Variants in LAD1 observed in about 807,000 individuals in gnomAD.
The protein encoded by LAD1 is ladinin 1.
In LAD1, 53 loss-of-function variants were observed where a neutral mutation model predicts 54.2. The ratio of observed to expected loss-of-function variants is 0.98; its 90% confidence interval spans 0.78 to 1.23. The LOEUF (loss-of-function observed/expected upper bound fraction) is 1.23. Ranked by LOEUF, LAD1 falls within the 50% of genes most tolerant of loss-of-function variation. The probability of loss-of-function intolerance (pLI) is 0.00; values close to 1 mark genes in which losing one functional copy is unlikely to be tolerated. For missense variants in LAD1, 637 were observed against 653.3 expected, an observed-to-expected ratio of 0.98 and a Z score of 0.27; for synonymous variants, 231 against 257.7, an observed-to-expected ratio of 0.90 and a Z score of 0.99.
In LAD1 at chr1:201,381,775, C is replaced by G. The variant is rs2102353790; in HGVS notation, c.*113G>C. The stretch of plus-strand genomic sequence containing the variant: ...GACCCTGGCCAAACAGATCCACAGG[C>G]AAAAAGGGAACAGGGACAATGAGAG... On this transcript the variant is annotated 3_prime_UTR_variant, in exon 10 of 10. Transcript: ENST00000391967. The G allele has an allele frequency of 3.2e-6, 4 of 1,233,028 alleles. No homozygotes were observed. The highest frequency in any genetic ancestry group is 3.6e-6 in the Non-Finnish European group (3 of 833,274). The allele number at this position is 1,233,028 out of a possible 1,614,324, so 76.4% of individuals were successfully genotyped here. A position where few individuals can be genotyped will look rare whatever the true frequency, so the allele number is the denominator to read the frequency against.
intron 1 of LAD1, chr1:201,390,969 T>A: frequency 2.7e-6 from 1 of 371,160 alleles, no homozygotes; most frequent in South Asian, 2.0e-5. Flanking sequence ...GTCCTGGGAT[T>A]CTTAGGTAAT....
In LAD1 at chr1:201,382,270, G is replaced by A. The variant is rs1410153616; in HGVS notation, c.1530C>T (p.Asp510=). ...TERTQWGQKS[D]SSLDAEV The stretch of plus-strand genomic sequence containing the variant: ...CATTCACCTCAGCGTCCAGCGAGGA[G>A]TCAGATTTCTGTCCCCACTGAGTCC... The change falls in exon 9 of 10, where the codon GAC becomes GAT. Residue 510 remains aspartate (D), a synonymous_variant. Coordinates refer to ENST00000391967, the MANE Select transcript of LAD1 (RefSeq NM_005558.4). 1 of 1,613,684 alleles carries A rather than the reference G, an allele frequency of 6.2e-7. No homozygotes were observed. The highest frequency in any genetic ancestry group is 8.5e-7 in the Non-Finnish European group (1 of 1,179,798).
chr1:201,385,952 T>C, intron 3 of LAD1, 147 bp from the exon 4 acceptor site: 1 of 668,106 alleles, frequency 1.5e-6, no homozygotes, highest in Non-Finnish European at 2.7e-6. Context: ...CTTCATCTGC[T>C]GTGGGAGTGG....
rs1261370091 is a variant in LAD1 at position 201,393,859 on chromosome 1, T to TC, written c.39-4557_39-4556insG. ...ACAGATCTTAAGTTTTGCTTTTTTT[T>TC]TTTTTTTTTTTGATGAGCAAACAAA... is the stretch of plus-strand genomic sequence containing the variant. On this transcript the variant is annotated intron_variant, in intron 1 of 9. Coordinates refer to ENST00000391967, the MANE Select transcript of LAD1 (RefSeq NM_005558.4). Among the ~76,000 whole-genome samples the TC allele has an allele frequency of 3.1e-4, 47 of 149,536 alleles. 1 individual carries two copies. Among genetic ancestry groups the TC allele is most frequent in the African/African-American group, 1.1e-3 (43 of 40,742 alleles).
chr1:201,393,590 A>G (rs1177182843), intron 1 of LAD1, among the ~76,000 whole-genome samples: 1 of 152,022 alleles, frequency 6.6e-6, no homozygotes, highest in Non-Finnish European at 1.5e-5. Context: ...TCCTAAAAAT[A>G]CAAAAATTAG....
At position 201,382,430 on chromosome 1, in the gene LAD1, C is replaced by T. The variant is rs114518974; in HGVS notation, c.1474-104G>A. On this transcript the variant is annotated intron_variant, in intron 8 of 9. Coordinates refer to ENST00000391967, the MANE Select transcript of LAD1 (RefSeq NM_005558.4). The stretch of plus-strand genomic sequence containing the variant: ...CAGCCCAGGATGTCCTTTCTCTTCC[C>T]AAAAGAGAAAAGGAACCCAGACCCA... The T allele has an allele frequency of 3.2e-3, 3,267 of 1,011,734 alleles. 77 individuals are homozygous for T. In the African/African-American group the frequency reaches 0.044, roughly 14 times the overall value. 62.7% of individuals were successfully genotyped at this position (1,011,734 alleles called of 1,614,324 possible).
At chr1:201,396,210 C>T (rs752763650) in intron 1 of LAD1, among the ~76,000 whole-genome samples, 2 of 152,160 alleles carry the variant, frequency 1.3e-5, no homozygotes, top group African/African-American at 2.4e-5. Flanking sequence ...CCTACCACTC[C>T]TTCCCTCTAG....
At chr1:201,396,910 T>C (rs1483001657) in intron 1 of LAD1, among the ~76,000 whole-genome samples, 1 of 152,112 alleles carries the variant, frequency 6.6e-6, no homozygotes, top group East Asian at 1.9e-4. Flanking sequence ...GATTAACCAC[T>C]GGCTGTTCAG....
intron 7 of LAD1, 73 bp from the exon 8 acceptor site, chr1:201,382,812 T>C: frequency 8.2e-7 from 1 of 1,214,816 alleles, no homozygotes; most frequent in Non-Finnish European, 1.2e-6. Context: ...GGCCCTGGAA[T>C]GGGATAGGAC....
intron 2 of LAD1, 102 bp from the exon 3 acceptor site, chr1:201,387,280 T>G (rs1571721452): frequency 3.0e-6 from 4 of 1,312,514 alleles, no homozygotes; most frequent in Non-Finnish European, 3.9e-6. Flanking sequence ...AAGGAGGAGG[T>G]GAGGATGTCA....
intron 1 of LAD1, chr1:201,391,023 CCCA>C: frequency 2.2e-6 from 1 of 447,142 alleles, no homozygotes; most frequent in Non-Finnish European, 4.5e-6. Context: ...CACTCAATTC[CCCA>C]TGGAATTTCT....
chr1:201,386,194 G>C, intron 3 of LAD1, 141 bp downstream of exon 3: 1 of 853,928 alleles, frequency 1.2e-6, no homozygotes, highest in Non-Finnish European at 1.7e-6. Flanking sequence ...AAGCAGGCAG[G>C]GAAAGAAGAG....
intron 1 of LAD1, among the ~76,000 whole-genome samples, 191 bp downstream of exon 1, chr1:201,399,078 G>T (rs1233622159): frequency 2.6e-5 from 4 of 152,214 alleles, no homozygotes; most frequent in Non-Finnish European, 5.9e-5. Flanking sequence ...GCCCCGAGGG[G>T]AGAAGACCCA....
At chr1:201,399,179 CAGGCGGGGAGG>C in intron 1 of LAD1, 79 bp downstream of exon 1, 1 of 1,092,994 alleles carries the variant, frequency 9.1e-7, no homozygotes. Context: ...GTCAGGGTCC[CAGGCGGGGAGG>C]AGGCCGGTGC....
At chr1:201,393,314 G>T (rs965746375) in intron 1 of LAD1, among the ~76,000 whole-genome samples, 3 of 152,198 alleles carry the variant, frequency 2.0e-5, no homozygotes, top group African/African-American at 7.2e-5. Flanking sequence ...AGACAGAATT[G>T]TGAGCACAGA....
At chr1:201,396,167 C>G (rs1185845203) in intron 1 of LAD1, among the ~76,000 whole-genome samples, 1 of 152,168 alleles carries the variant, frequency 6.6e-6, no homozygotes, top group East Asian at 1.9e-4. Context: ...CTCAGCTGCT[C>G]CTACTAGCTG....
intron 5 of LAD1, among the ~76,000 whole-genome samples, chr1:201,384,094 G>A (rs1296244152): frequency 6.6e-6 from 1 of 152,188 alleles, no homozygotes; most frequent in African/African-American, 2.4e-5. Flanking sequence ...TGGTTGGCCA[G>A]TATGTAATGT....
chr1:201,382,747 G>T lies in LAD1; in HGVS notation c.1387-8C>A. The T allele has an allele frequency of 6.3e-7, 1 of 1,586,786 alleles. No individual in the cohort carries two copies. Among genetic ancestry groups the T allele is most frequent in the African/African-American group, 1.3e-5 (1 of 74,608 alleles). ...TGAGAGCCTCAAGTTCTCCTAAAAAGAGAACTTTCCATCTCAGGGTTTAGG... is the reference window on the plus strand; with the variant it reads ...TGAGAGCCTCAAGTTCTCCTAAAAATAGAACTTTCCATCTCAGGGTTTAGG... On this transcript the variant is annotated splice_polypyrimidine_tract_variant and splice_region_variant and intron_variant, in intron 7 of 9. Transcript: ENST00000391967.
Position 201,389,203 on chromosome 1 carries a change from T to C in LAD1, c.139A>G (p.Arg47Gly), listed in dbSNP as rs765967398. 8.1e-6 allele frequency: 13 copies of C among 1,614,106 alleles called. No homozygotes were observed. The African/African-American group carries it at 1.5e-4, about 18-fold the overall frequency. Residue 47 changes from arginine to glycine, a missense_variant, in exon 2 of 10, where the codon AGG becomes GGG. Coordinates refer to ENST00000391967, the MANE Select transcript of LAD1 (RefSeq NM_005558.4). ...TGCCGGTCTCCATTCTGGCTGAGCC[T>C]GGGAGCCTCATCGTCCGTGGTGGAG... ...LSSTTDDEAPRLSQNGDRQAS... is the reference protein window; with the variant it reads ...LSSTTDDEAPGLSQNGDRQAS...
Sources: gnomAD v4.1 joint callset for allele counts (sites outside exome capture counted in the v4.1 genomes callset) on GRCh38, gnomAD v4.1.1 for gene constraint, MANE v1.5 for transcripts, NCBI Gene and HGNC (gene_info 2026-07-23, HGNC 2026-07-21) for gene names.